Variants in ACVR2A observed in about 807,000 individuals in gnomAD.
The protein encoded by ACVR2A is activin A receptor type 2A.
A neutral mutation model predicts 61.4 loss-of-function variants in ACVR2A; 7 were observed. The observed-to-expected ratio is 0.11, with a 90% CI of 0.06 to 0.21. The LOEUF is 0.21. ACVR2A is among the 10% of genes least tolerant of loss of function. The pLI is 1.00. For synonymous variants in ACVR2A, 193 were observed against 208.3 expected (o/e 0.93, Z 0.63); for missense variants, 322 against 621.7 (o/e 0.52, Z 5.13).
chr2:147,853,953 G>A (rs898921479), intron 1 of ACVR2A, among the ~76,000 whole-genome samples: 1 of 152,102 alleles, frequency 6.6e-6, no homozygotes, highest in African/African-American at 2.4e-5. Flanking sequence ...TGTAAACCAA[G>A]ATGTATTAAA....
chr2:147,913,969 C>T (rs1687187945), intron 4 of ACVR2A, among the ~76,000 whole-genome samples: 1 of 151,300 alleles, frequency 6.6e-6, no homozygotes, highest in African/African-American at 2.4e-5. Flanking sequence ...CATGTTTTTC[C>T]TACATAACAC....
At chr2:147,872,025 C>T (rs1686033500) in intron 1 of ACVR2A, among the ~76,000 whole-genome samples, 1 of 151,996 alleles carries the variant, frequency 6.6e-6, no homozygotes, top group African/African-American at 2.4e-5. Context: ...AGTTCTTTTA[C>T]CCAACATAGT....
chr2:147,847,396 A>T (rs540608053), intron 1 of ACVR2A, among the ~76,000 whole-genome samples: 4 of 152,266 alleles, frequency 2.6e-5, no homozygotes, highest in Admixed American at 2.6e-4. Flanking sequence ...CAACTAATTG[A>T]TTTTTCTACA....
chr2:147,848,703 TG>T (rs1275504147), intron 1 of ACVR2A, among the ~76,000 whole-genome samples: 2 of 152,084 alleles, frequency 1.3e-5, no homozygotes, highest in Admixed American at 1.3e-4. Context: ...AGATAACTAT[TG>T]GGTACTGGAC....
chr2:147,854,100 A>T (rs925922092), intron 1 of ACVR2A, among the ~76,000 whole-genome samples: 3 of 152,130 alleles, frequency 2.0e-5, no homozygotes, highest in Non-Finnish European at 4.4e-5. Context: ...TTCTTGGGGG[A>T]TATTTACATT....
chr2:147,917,369 A>G lies in ACVR2A; in HGVS notation c.759A>G (p.Glu253=). ...HENILQFIGA[E]KRGTSVDVDL... is the part of the protein sequence containing the mutation. Reference sequence around the variant, plus strand: ...ACATATTACAGTTCATTGGTGCAGAAAAACGAGGCACCAGTGTTGATGTGG... The same window carrying G: ...ACATATTACAGTTCATTGGTGCAGAGAAACGAGGCACCAGTGTTGATGTGG... The change falls in exon 6 of 11, where the codon GAA becomes GAG. Residue 253 remains glutamate, a synonymous_variant. Coordinates refer to ENST00000241416, the MANE Select transcript of ACVR2A (RefSeq NM_001616.5). The G allele has an allele frequency of 2.5e-6, 4 of 1,612,498 alleles. No homozygotes were observed. Among genetic ancestry groups the G allele is most frequent in the Non-Finnish European group, 3.4e-6 (4 of 1,178,956 alleles).
intron 10 of ACVR2A, 86 bp from the exon 11 acceptor site, chr2:147,926,994 A>G: frequency 7.8e-7 from 1 of 1,275,166 alleles, no homozygotes; most frequent in South Asian, 1.4e-5. Flanking sequence ...CCAGAAAAAT[A>G]GCCATTTCTT....
intron 1 of ACVR2A, among the ~76,000 whole-genome samples, chr2:147,892,887 TG>T (rs1034337639): frequency 1.5e-4 from 22 of 151,420 alleles, no homozygotes; most frequent in African/African-American, 5.4e-4. Context: ...TCTTTTCTAT[TG>T]TTTTTTTTGA....
At chr2:147,923,132 TA>T in intron 9 of ACVR2A, 21 bp downstream of exon 9, 2 of 1,597,420 alleles carry the variant, frequency 1.3e-6, no homozygotes, top group Non-Finnish European at 1.7e-6. Flanking sequence ...AAAATATTTT[TA>T]AAAAAGATAT....
At chr2:147,851,847 G>T (rs1323834673) in intron 1 of ACVR2A, among the ~76,000 whole-genome samples, 1 of 152,024 alleles carries the variant, frequency 6.6e-6, no homozygotes, top group East Asian at 1.9e-4. Context: ...CACAATAGGT[G>T]CTCAGCAAAT....
chr2:147,861,291 G>A (rs936655298), intron 1 of ACVR2A, among the ~76,000 whole-genome samples: 2 of 152,066 alleles, frequency 1.3e-5, no homozygotes, highest in African/African-American at 4.8e-5. Flanking sequence ...CTTTGTAGAT[G>A]GCCATGCTGT....
chr2:147,876,938 T>C (rs1447565931), intron 1 of ACVR2A, among the ~76,000 whole-genome samples: 1 of 152,158 alleles, frequency 6.6e-6, no homozygotes, highest in Non-Finnish European at 1.5e-5. Flanking sequence ...CCCTTCACCA[T>C]GTCCTCATTG....
intron 9 of ACVR2A, among the ~76,000 whole-genome samples, chr2:147,923,708 C>T (rs1234556413): frequency 1.3e-5 from 2 of 152,044 alleles, no homozygotes; most frequent in African/African-American, 2.4e-5. Context: ...AAGGTCTTTA[C>T]TCTGTCTTCA....
At chr2:147,894,243 TA>T (rs1230951557) in intron 1 of ACVR2A, among the ~76,000 whole-genome samples, 2 of 152,178 alleles carry the variant, frequency 1.3e-5, no homozygotes, top group Non-Finnish European at 2.9e-5. Context: ...GTCTTTTCAC[TA>T]TAACCATACT....
intron 1 of ACVR2A, among the ~76,000 whole-genome samples, chr2:147,845,469 T>G (rs982168222): frequency 6.6e-6 from 1 of 151,620 alleles, no homozygotes; most frequent in Non-Finnish European, 1.5e-5. Flanking sequence ...AGTGAGAAAG[T>G]CATGTTTTGT....
At chr2:147,926,352 T>C (rs1463338922) in intron 10 of ACVR2A, among the ~76,000 whole-genome samples, 191 bp downstream of exon 10, 2 of 151,868 alleles carry the variant, frequency 1.3e-5, no homozygotes, top group African/African-American at 2.4e-5. Flanking sequence ...TGTAAAGTAA[T>C]AGAGCTTTAG....
intron 1 of ACVR2A, among the ~76,000 whole-genome samples, chr2:147,881,314 C>G (rs1686292991): frequency 2.6e-5 from 4 of 151,960 alleles, no homozygotes; most frequent in Admixed American, 2.6e-4. Context: ...TCTGGGCTAC[C>G]AACCAAATAA....
intron 4 of ACVR2A, chr2:147,900,339 T>G (rs1162599020): frequency 6.5e-6 from 1 of 153,436 alleles, no homozygotes; most frequent in Non-Finnish European, 1.4e-5. Context: ...CAAAAAAGTA[T>G]AGAAAAGAGA....
At chr2:147,916,061 A>G (rs1235905389) in intron 5 of ACVR2A, among the ~76,000 whole-genome samples, 2 of 151,808 alleles carry the variant, frequency 1.3e-5, no homozygotes. Flanking sequence ...TAGAGAGTGG[A>G]TGTTTCTTTT....
Sources: gnomAD v4.1 joint callset for allele counts (sites outside exome capture counted in the v4.1 genomes callset) on GRCh38, gnomAD v4.1.1 for gene constraint, MANE v1.5 for transcripts, NCBI Gene and HGNC (gene_info 2026-07-23, HGNC 2026-07-21) for gene names.